PCDHB13: variants seen among roughly 807,000 people sequenced by gnomAD.
PCDHB13 encodes protocadherin beta 13, also known as protocadherin beta-13.
For missense variants in PCDHB13, 1,065 were observed against 1,016.7 expected (o/e 1.05, Z -0.65); for synonymous variants, 515 against 450.7 (o/e 1.14, Z -1.81).
At position 141,218,877 on chromosome 5, in the gene PCDHB13, T is replaced by G. The variant is rs1554288443; in HGVS notation, c.*2357T>G. ...TTCTAGCAGCTTCCCTGTGATCTTCTCATATCTACTGGTGGAGTGGGAAAG... is the reference window on the plus strand; with the variant it reads ...TTCTAGCAGCTTCCCTGTGATCTTCGCATATCTACTGGTGGAGTGGGAAAG... On this transcript the variant is annotated 3_prime_UTR_variant, in exon 1 of 1. Transcript: ENST00000341948. The G allele has an allele frequency of 6.0e-6, 1 of 167,060 alleles. No individual in the cohort carries two copies. The highest frequency in any genetic ancestry group is 1.9e-4 in the East Asian group (1 of 5,202). The allele number at this position is 167,060 out of a possible 1,614,324, so 10.3% of individuals were successfully genotyped here.
chr5:141,215,486 T>C lies in PCDHB13; in HGVS notation c.1363T>C (p.Ser455Pro). The C allele has an allele frequency of 6.2e-7, 1 of 1,613,902 alleles. No homozygotes were observed. Among genetic ancestry groups the C allele is most frequent in the Non-Finnish European group, 8.5e-7 (1 of 1,179,964 alleles). ...CAACGCTCCCGCCTTCACCCAAACC[T>C]CCTACACCCTGTTCGTCCGCGAGAA... ...NDNAPAFTQT[S>P]YTLFVRENNS... Residue 455 changes from serine to proline, a missense_variant, in exon 1 of 1, where the codon TCC becomes CCC. Transcript: ENST00000341948.
chr5:141,215,320 CT>C lies in PCDHB13; in HGVS notation c.1201del (p.Tyr401ThrfsTer4), dbSNP rs1754565935. On this transcript the variant is annotated frameshift_variant, in exon 1 of 1. Coordinates refer to ENST00000341948, the MANE Select transcript of PCDHB13 (RefSeq NM_018933.4). LOFTEE classifies it low-confidence loss of function (END_TRUNC). ...LPFLLKSAEN[F>X]YTLLTERPLD... ...CCTTCCTCCTGAAATCCGCGGAAAA[CT>C]TTTACACCCTACTAACGGAGAGACC... 1 of 1,614,020 alleles carries C rather than the reference CT, an allele frequency of 6.2e-7. No homozygotes were observed. Among genetic ancestry groups the C allele is most frequent in the Non-Finnish European group, 8.5e-7 (1 of 1,180,050 alleles).
In PCDHB13 at chr5:141,215,157, C is replaced by T; in HGVS notation, c.1034C>T (p.Ala345Val). Residue 345 changes from alanine (A) to valine (V), a missense_variant, in exon 1 of 1, where the codon GCC becomes GTC. Coordinates refer to ENST00000341948, the MANE Select transcript of PCDHB13 (RefSeq NM_018933.4). The stretch of plus-strand genomic sequence containing the variant: ...CAAGTGATAGATGTGAACGACCATG[C>T]CCCAGAAGTTACCATGTCTGCATTT... ...LIQVIDVNDH[A>V]PEVTMSAFTS... The T allele has an allele frequency of 9.3e-6, 15 of 1,614,140 alleles. No individual in the cohort carries two copies. Among genetic ancestry groups the T allele is most frequent in the Non-Finnish European group, 1.2e-5 (14 of 1,180,030 alleles).
In PCDHB13 at chr5:141,215,361, G is replaced by T; in HGVS notation, c.1238G>T (p.Ser413Ile). The T allele has an allele frequency of 6.2e-7, 1 of 1,614,174 alleles. No homozygotes were observed. The highest frequency in any genetic ancestry group is 8.5e-7 in the Non-Finnish European group (1 of 1,180,038). Residue 413 changes from serine (S) to isoleucine (I), a missense_variant, in exon 1 of 1, where the codon AGC (serine) becomes ATC (isoleucine). Transcript: ENST00000341948. Reference protein sequence around the residue: ...LLTERPLDRESRAEYNITITV... With the variant: ...LLTERPLDREIRAEYNITITV... ...ACGGAGAGACCACTAGACAGAGAAA[G>T]CAGAGCGGAATACAACATCACTATC...
In PCDHB13 at chr5:141,216,937, CT is replaced by C; in HGVS notation, c.*423del. ...ACTCCTATTCAGACATATCATTTTT[CT>C]TTTTTGTAAATCCAGTGCGTTTTTA... On this transcript the variant is annotated 3_prime_UTR_variant, in exon 1 of 1. Transcript: ENST00000341948. 1 of 253,146 alleles carries C rather than the reference CT, an allele frequency of 4.0e-6. No individual in the cohort carries two copies. 15.7% of individuals were successfully genotyped at this position (253,146 alleles called of 1,614,324 possible).
In PCDHB13 at chr5:141,214,554, C is replaced by T. The variant is rs1554287642; in HGVS notation, c.431C>T (p.Ser144Leu). The T allele has an allele frequency of 6.2e-7, 1 of 1,614,080 alleles. No homozygotes were observed. The highest frequency in any genetic ancestry group is 1.1e-5 in the South Asian group (1 of 91,060). Residue 144 changes from serine (S) to leucine (L), a missense_variant, in exon 1 of 1, where the codon TCA becomes TTA. Transcript: ENST00000341948. ...FLDKQMLVKV[S>L]ESSPPGTTFP... ...GACAAACAAATGTTGGTGAAAGTAT[C>T]AGAGAGCAGTCCTCCTGGGACTACG...
Position 141,216,216 on chromosome 5 carries a change from C to T in PCDHB13, c.2093C>T (p.Ser698Phe). 2.5e-6 allele frequency: 4 copies of T among 1,612,830 alleles called. No individual in the cohort carries two copies. Among genetic ancestry groups the T allele is most frequent in the Non-Finnish European group, 3.4e-6 (4 of 1,179,908 alleles). Residue 698 changes from serine (S) to phenylalanine (F), a missense_variant, in exon 1 of 1, where the codon TCT (serine) becomes TTT (phenylalanine). Physicochemically the swap from Ser to Phe is radical, Grantham distance 155. Transcript: ENST00000341948. ...CTGGTGGTGGCGTTGGCCTCGGTGT[C>T]TTCGCTCTTCCTCTTTTCGGTGCTC... ...VYLVVALASV[S>F]SLFLFSVLLF...
rs1554287580 is a variant in PCDHB13, at chr5:141,214,307, A to G, written c.184A>G (p.Arg62Gly). The change falls in exon 1 of 1, where the codon AGG becomes GGG. Residue 62 changes from arginine (R) to glycine (G), a missense_variant. Arg to Gly is a moderately radical substitution (Grantham distance 125, BLOSUM62 -2). Coordinates refer to ENST00000341948, the MANE Select transcript of PCDHB13 (RefSeq NM_018933.4). ...DLGLEQREFS[R>G]RGVRVVSRGN... ...GGGTCTGGAGCAGAGGGAATTCTCC[A>G]GGCGGGGGGTTAGGGTTGTTTCCAG... 4.7e-6 allele frequency: 7 copies of G among 1,481,596 alleles called. No individual in the cohort carries two copies. The South Asian group carries it at 8.1e-5, about 17-fold the overall frequency. The allele number at this position is 1,481,596 out of a possible 1,614,324, so 91.8% of individuals were successfully genotyped here.
rs1198599474 is a variant in PCDHB13, at chr5:141,216,629, A to AT, written c.*114dup. ...GTAATATTGTACGGATTTACTCTTGATTTTTCTCATGTTCTTTCTCCCTTT... is the reference window on the plus strand; with the variant it reads ...GTAATATTGTACGGATTTACTCTTGATTTTTTCTCATGTTCTTTCTCCCTTT... On this transcript the variant is annotated 3_prime_UTR_variant, in exon 1 of 1. Coordinates refer to ENST00000341948, the MANE Select transcript of PCDHB13 (RefSeq NM_018933.4). 4 of 979,506 alleles carry AT rather than the reference A, an allele frequency of 4.1e-6. No homozygotes were observed. The highest frequency in any genetic ancestry group is 1.7e-5 in the Admixed American group (1 of 58,450). 60.7% of individuals were successfully genotyped at this position (979,506 alleles called of 1,614,324 possible).
Position 141,217,567 on chromosome 5 carries a change from T to C in PCDHB13, c.*1047T>C, listed in dbSNP as rs1183009536. On this transcript the variant is annotated 3_prime_UTR_variant, in exon 1 of 1. Transcript: ENST00000341948. ...TTGAAAACCACTTTTCTCAGACATA[T>C]AAAAGCATACCAGATGTTGAACATT... The C allele has an allele frequency of 1.8e-5, 3 of 166,976 alleles. No individual in the cohort carries two copies. The East Asian group carries it at 5.8e-4, about 32-fold the overall frequency. The allele number at this position is 166,976 out of a possible 1,614,324, so 10.3% of individuals were successfully genotyped here. A position where few individuals can be genotyped will look rare whatever the true frequency, so the allele number is the denominator to read the frequency against.
At position 141,216,157 on chromosome 5, in the gene PCDHB13, G is replaced by T. The variant is rs1383882655; in HGVS notation, c.2034G>T (p.Pro678=). 4 of 1,611,780 alleles carry T rather than the reference G, an allele frequency of 2.5e-6. No individual in the cohort carries two copies. Among genetic ancestry groups the T allele is most frequent in the African/African-American group, 1.3e-5 (1 of 74,922 alleles). Residue 678 remains proline (P), a synonymous_variant, in exon 1 of 1, where the codon CCG becomes CCT. Coordinates refer to ENST00000341948, the MANE Select transcript of PCDHB13 (RefSeq NM_018933.4). ...QPYLPLPEAA[P]TQAQADLLTV... ...ACCTGCCTCTCCCGGAGGCGGCCCC[G>T]ACCCAGGCCCAGGCCGACTTGCTCA...
In PCDHB13 at chr5:141,216,088, C is replaced by T. The variant is rs1554288099; in HGVS notation, c.1965C>T (p.Thr655=). Residue 655 remains threonine (T), a synonymous_variant, in exon 1 of 1, where the codon ACC becomes ACT. Transcript: ENST00000341948. Reference sequence around the variant, plus strand: ...ATGGCGAGCCTCCGCGCTCGGCCACCGCCACGCTGCACGTGCTCCTGGTGG... The same window carrying T: ...ATGGCGAGCCTCCGCGCTCGGCCACTGCCACGCTGCACGTGCTCCTGGTGG... ...KDNGEPPRSA[T]ATLHVLLVDG... is the part of the protein sequence containing the mutation. 1.2e-6 allele frequency: 2 copies of T among 1,606,982 alleles called. No individual in the cohort carries two copies. Among genetic ancestry groups the T allele is most frequent in the African/African-American group, 1.3e-5 (1 of 74,882 alleles).
In PCDHB13 at chr5:141,214,935, A is replaced by G. The variant is rs1754550976; in HGVS notation, c.812A>G (p.Asp271Gly). ...GTGAAGGTCTCTGCCACGGATGTAG[A>G]CACAGGAGTCAACGGAGAGATTTCC... ...LVVKVSATDV[D>G]TGVNGEISYS... Residue 271 changes from aspartate to glycine, a missense_variant, in exon 1 of 1, where the codon GAC becomes GGC. Asp to Gly is a moderately conservative substitution (Grantham distance 94, BLOSUM62 -1). Coordinates refer to ENST00000341948, the MANE Select transcript of PCDHB13 (RefSeq NM_018933.4). 1 of 1,614,110 alleles carries G rather than the reference A, an allele frequency of 6.2e-7. No individual in the cohort carries two copies. Among genetic ancestry groups the G allele is most frequent in the African/African-American group, 1.3e-5 (1 of 74,938 alleles).
At position 141,215,223 on chromosome 5, in the gene PCDHB13, C is replaced by A. The variant is rs369987000; in HGVS notation, c.1100C>A (p.Ala367Glu). Residue 367 changes from alanine to glutamate, a missense_variant, in exon 1 of 1, where the codon GCA becomes GAA. Ala to Glu is a moderately radical substitution (Grantham distance 107, BLOSUM62 -1). Coordinates refer to ENST00000341948, the MANE Select transcript of PCDHB13 (RefSeq NM_018933.4). Reference sequence around the variant, plus strand: ...GAGAACGCGCCTGAAACTGTGGTTGCACTTTTCAGTGTTTCAGATCTTGAT... The same window carrying A: ...GAGAACGCGCCTGAAACTGTGGTTGAACTTTTCAGTGTTTCAGATCTTGAT... The part of the protein sequence containing the change: ...IPENAPETVV[A>E]LFSVSDLDSG... The A allele has an allele frequency of 6.2e-6, 10 of 1,614,144 alleles. No homozygotes were observed. In the East Asian group the frequency reaches 1.6e-4, roughly 25 times the overall value.
Position 141,216,836 on chromosome 5 carries a change from A to G in PCDHB13, c.*316A>G, listed in dbSNP as rs1754628308. 1 of 379,444 alleles carries G rather than the reference A, an allele frequency of 2.6e-6. No individual in the cohort carries two copies. Among genetic ancestry groups the G allele is most frequent in the African/African-American group, 2.1e-5 (1 of 46,688 alleles). 23.5% of individuals were successfully genotyped at this position (379,444 alleles called of 1,614,324 possible). On this transcript the variant is annotated 3_prime_UTR_variant, in exon 1 of 1. Coordinates refer to ENST00000341948, the MANE Select transcript of PCDHB13 (RefSeq NM_018933.4). ...ACTATTATGCTTATGGTAAAATTAA[A>G]TAGAGCAATTTGGAAGTGATTCCAA...
At position 141,215,376 on chromosome 5, in the gene PCDHB13, A is replaced by G; in HGVS notation, c.1253A>G (p.Asn418Ser). 1.2e-6 allele frequency: 2 copies of G among 1,614,182 alleles called. No homozygotes were observed. The highest frequency in any genetic ancestry group is 1.7e-6 in the Non-Finnish European group (2 of 1,180,042). Residue 418 changes from asparagine to serine, a missense_variant, in exon 1 of 1, where the codon AAC (asparagine) becomes AGC (serine). Coordinates refer to ENST00000341948, the MANE Select transcript of PCDHB13 (RefSeq NM_018933.4). ...PLDRESRAEY[N>S]ITITVTDLGT... ...GACAGAGAAAGCAGAGCGGAATACA[A>G]CATCACTATCACTGTCACTGACTTG...
chr5:141,215,824 C>A lies in PCDHB13; in HGVS notation c.1701C>A (p.Asn567Lys). ...NSPFVLYPLQ[N>K]GSAPCTELVP... The stretch of plus-strand genomic sequence containing the variant: ...CCTTCGTGCTGTACCCGCTGCAGAA[C>A]GGCTCCGCGCCCTGCACCGAGCTGG... The change falls in exon 1 of 1, where the codon AAC (asparagine) becomes AAA (lysine). Residue 567 changes from asparagine (N) to lysine (K), a missense_variant. Physicochemically the swap from Asn to Lys is moderately conservative, Grantham distance 94. Coordinates refer to ENST00000341948, the MANE Select transcript of PCDHB13 (RefSeq NM_018933.4). 1.2e-6 allele frequency: 2 copies of A among 1,610,622 alleles called. No homozygotes were observed. The highest frequency in any genetic ancestry group is 1.7e-6 in the Non-Finnish European group (2 of 1,179,536).
rs1381849539 is a variant in PCDHB13 at position 141,217,931 on chromosome 5, G to T, written c.*1411G>T. On this transcript the variant is annotated 3_prime_UTR_variant, in exon 1 of 1. Transcript: ENST00000341948. The stretch of plus-strand genomic sequence containing the variant: ...CCAGTGCCACAGACTAGACTCAGTT[G>T]CTTCTCTTATGTTATTTTTTGAGAC... 1.2e-5 allele frequency: 2 copies of T among 166,978 alleles called. No individual in the cohort carries two copies. Among genetic ancestry groups the T allele is most frequent in the African/African-American group, 4.8e-5 (2 of 41,364 alleles). The allele number at this position is 166,978 out of a possible 1,614,324, so 10.3% of individuals were successfully genotyped here.
Position 141,216,156 on chromosome 5 carries a change from C to T in PCDHB13, c.2033C>T (p.Pro678Leu), listed in dbSNP as rs781872111. ...QPYLPLPEAAPTQAQADLLTV... is the reference protein window; with the variant it reads ...QPYLPLPEAALTQAQADLLTV... The stretch of plus-strand genomic sequence containing the variant: ...TACCTGCCTCTCCCGGAGGCGGCCC[C>T]GACCCAGGCCCAGGCCGACTTGCTC... The change falls in exon 1 of 1, where the codon CCG becomes CTG. Residue 678 changes from proline to leucine, a missense_variant. Coordinates refer to ENST00000341948, the MANE Select transcript of PCDHB13 (RefSeq NM_018933.4). The T allele has an allele frequency of 2.5e-5, 40 of 1,611,740 alleles. No individual in the cohort carries two copies. In the African/African-American group the frequency reaches 3.5e-4, roughly 14 times the overall value.
Sources: allele counts gnomAD v4.1 joint callset, GRCh38; gene constraint gnomAD v4.1.1; transcripts MANE v1.5; gene names NCBI Gene and HGNC (gene_info 2026-07-23, HGNC 2026-07-21).